Variants in TLN2 observed in about 807,000 individuals in gnomAD.
The protein encoded by TLN2 is talin-2.
A neutral mutation model predicts 294.7 loss-of-function variants in TLN2; 118 were observed. The ratio of observed to expected loss-of-function variants is 0.40; its 90% confidence interval spans 0.34 to 0.47. The LOEUF (loss-of-function observed/expected upper bound fraction) is 0.47. Among genes scored for constraint, TLN2 ranks in the 20% least tolerant of loss-of-function variants. TLN2 has a pLI of 0.84. For missense variants in TLN2, 3,083 were observed against 3,282.2 expected (o/e 0.94, Z 1.48); for synonymous variants, 1,431 against 1,304.5 (o/e 1.10, Z -2.09).
In TLN2 at chr15:62,792,671, G is replaced by A; in HGVS notation, c.5767G>A (p.Asp1923Asn). 1 of 1,613,794 alleles carries A rather than the reference G, an allele frequency of 6.2e-7. No individual in the cohort carries two copies. The part of the protein sequence containing the change: ...IGFQIRTRVQ[D>N]LGHGCIFLVQ... ...ATTCCAGATTCGCACTCGTGTGCAG[G>A]ACCTGGGCCACGGCTGTATCTTCCT... Residue 1923 changes from aspartate (D) to asparagine (N), a missense_variant, in exon 46 of 59, where the codon GAC (aspartate) becomes AAC (asparagine). Transcript: ENST00000636159.
At chr15:62,411,407 C>T (rs1417131119) in intron 1 of TLN2, among the ~76,000 whole-genome samples, 2 of 144,792 alleles carry the variant, frequency 1.4e-5, no homozygotes, top group African/African-American at 5.2e-5. Flanking sequence ...TGTTATTCCT[C>T]CTTAGAGAGT....
intron 53 of TLN2, 113 bp from the exon 54 acceptor site, chr15:62,820,373 C>A: frequency 9.0e-7 from 1 of 1,113,002 alleles, no homozygotes; most frequent in Non-Finnish European, 1.2e-6. Context: ...TAGGACAATG[C>A]AGGTCAGGCT....
chr15:62,625,979 C>G (rs1201137439), intron 3 of TLN2, among the ~76,000 whole-genome samples: 4 of 152,170 alleles, frequency 2.6e-5, no homozygotes, highest in African/African-American at 9.7e-5. Flanking sequence ...AATCTGTCCT[C>G]AAACACTAGG....
chr15:62,537,675 GTT>G (rs2041439649), intron 1 of TLN2, among the ~76,000 whole-genome samples: 1 of 152,142 alleles, frequency 6.6e-6, no homozygotes, highest in African/African-American at 2.4e-5. Context: ...GTAAGTTAGG[GTT>G]ATCTGAGAGG....
chr15:62,517,505 T>C (rs916689320), intron 1 of TLN2, among the ~76,000 whole-genome samples: 1 of 152,216 alleles, frequency 6.6e-6, no homozygotes, highest in Non-Finnish European at 1.5e-5. Context: ...TGCCGAGCAG[T>C]GGAGAAAAAT....
chr15:62,708,900 G>A (rs2059243824), intron 21 of TLN2, 104 bp downstream of exon 21: 1 of 1,364,770 alleles, frequency 7.3e-7, no homozygotes, highest in Non-Finnish European at 9.8e-7. Flanking sequence ...ACTGGCAAGG[G>A]CAAGTTCTCT....
At chr15:62,791,824 A>T (rs555050766) in intron 45 of TLN2, among the ~76,000 whole-genome samples, 1 of 152,378 alleles carries the variant, frequency 6.6e-6, no homozygotes, top group South Asian at 2.1e-4. Context: ...ATGAAATTTG[A>T]TGTGAAACAG....
intron 1 of TLN2, among the ~76,000 whole-genome samples, chr15:62,413,363 G>A (rs1423323073): frequency 6.6e-6 from 1 of 152,142 alleles, no homozygotes; most frequent in African/African-American, 2.4e-5. Flanking sequence ...ACAATGATTG[G>A]ATCCAGATGT....
At chr15:62,549,830 A>G (rs867675564) in intron 1 of TLN2, among the ~76,000 whole-genome samples, 1 of 152,212 alleles carries the variant, frequency 6.6e-6, no homozygotes, top group Non-Finnish European at 1.5e-5. Flanking sequence ...AATCAAGGCC[A>G]CAATGATGTC....
At chr15:62,812,737 C>T (rs1333436501) in intron 52 of TLN2, among the ~76,000 whole-genome samples, 1 of 152,170 alleles carries the variant, frequency 6.6e-6, no homozygotes. Context: ...TCTCCATGCC[C>T]ACCTCGTTTG....
At chr15:62,437,939 T>C (rs2035371300) in intron 1 of TLN2, among the ~76,000 whole-genome samples, 1 of 152,220 alleles carries the variant, frequency 6.6e-6, no homozygotes, top group Non-Finnish European at 1.5e-5. Context: ...TACAGACTTC[T>C]GGGTGTAGGA....
chr15:62,531,225 G>A (rs529379156), intron 1 of TLN2, among the ~76,000 whole-genome samples: 6 of 152,340 alleles, frequency 3.9e-5, no homozygotes, highest in Admixed American at 1.3e-4. Context: ...TATATTCACA[G>A]TGGAATACTA....
At chr15:62,603,182 G>A (rs773138352) in intron 2 of TLN2, among the ~76,000 whole-genome samples, 1 of 152,044 alleles carries the variant, frequency 6.6e-6, no homozygotes, top group African/African-American at 2.4e-5. Flanking sequence ...GTGAGCCACC[G>A]CGCCCGGCCG....
chr15:62,762,211 G>T (rs1182414103), intron 38 of TLN2, 61 bp from the exon 39 acceptor site: 5 of 1,582,248 alleles, frequency 3.2e-6, no homozygotes, highest in Non-Finnish European at 2.6e-6. Flanking sequence ...ACCTTTCAGG[G>T]CCCACGTCAT....
intron 1 of TLN2, among the ~76,000 whole-genome samples, chr15:62,447,555 C>A (rs575221408): frequency 6.7e-6 from 1 of 148,850 alleles, no homozygotes; most frequent in African/African-American, 2.5e-5. Context: ...AGTGCAATGG[C>A]GCGATCTTGC....
At chr15:62,753,561 G>A (rs2062055478) in intron 35 of TLN2, among the ~76,000 whole-genome samples, 1 of 152,218 alleles carries the variant, frequency 6.6e-6, no homozygotes, top group African/African-American at 2.4e-5. Context: ...TTTGTTCCAT[G>A]AGCCTGTGAT....
At chr15:62,790,556 A>G (rs2065004705) in intron 45 of TLN2, among the ~76,000 whole-genome samples, 1 of 152,086 alleles carries the variant, frequency 6.6e-6, no homozygotes, top group Admixed American at 6.5e-5. Context: ...AATTCTATAA[A>G]TGTTTCTAAC....
chr15:62,422,735 C>G (rs1415964436), intron 1 of TLN2, among the ~76,000 whole-genome samples: 1 of 152,164 alleles, frequency 6.6e-6, no homozygotes, highest in Non-Finnish European at 1.5e-5. Context: ...TTTAATCAAC[C>G]CATCTTCAAC....
At chr15:62,532,820 G>A (rs2041121932) in intron 1 of TLN2, among the ~76,000 whole-genome samples, 1 of 152,180 alleles carries the variant, frequency 6.6e-6, no homozygotes, top group Admixed American at 6.5e-5. Context: ...CCTCAGAACA[G>A]TGGGAAACGA....
Sources: allele counts gnomAD v4.1 joint callset (sites outside exome capture counted in the v4.1 genomes callset), GRCh38; gene constraint gnomAD v4.1.1; transcripts MANE v1.5; gene names NCBI Gene and HGNC (gene_info 2026-07-23, HGNC 2026-07-21).